Variants in EYA4 observed in about 807,000 individuals in gnomAD.
The protein encoded by EYA4 is protein phosphatase EYA4.
In EYA4, 31 loss-of-function variants were observed where a neutral mutation model predicts 87.9. The ratio of observed to expected loss-of-function variants is 0.35; its 90% CI spans 0.27 to 0.48. The LOEUF (loss-of-function observed/expected upper bound fraction) is 0.48. Among genes scored for constraint, EYA4 ranks in the 20% least tolerant of loss-of-function variants. EYA4 has a pLI of 0.99. For missense variants in EYA4, 678 were observed against 761.4 expected, an observed-to-expected ratio of 0.89 and a Z score of 1.29; for synonymous variants, 263 against 270.6, an observed-to-expected ratio of 0.97 and a Z score of 0.28.
In EYA4 at chr6:133,446,694, A is replaced by T. The variant is rs932450184; in HGVS notation, c.148A>T (p.Ser50Cys). ...TLVGGGDTPG[S>C]SKLEKSNLSS... Reference sequence around the variant, plus strand: ...TGTTGGAGGTGGTGATACTCCAGGTAGCTCCAAACTGGAAAAATCTAATCT... The same window carrying T: ...TGTTGGAGGTGGTGATACTCCAGGTTGCTCCAAACTGGAAAAATCTAATCT... The change falls in exon 4 of 20, where the codon AGC (serine) becomes TGC (cysteine). Residue 50 changes from serine to cysteine, a missense_variant. By Grantham distance (112) the Ser-to-Cys change is moderately radical (BLOSUM62 -1). Transcript: ENST00000355286. 9.3e-6 allele frequency: 15 copies of T among 1,613,834 alleles called. No homozygotes were observed. In the African/African-American group the frequency reaches 2.0e-4, roughly 22 times the overall value.
chr6:133,322,131 G>T (rs966012853), intron 2 of EYA4, among the ~76,000 whole-genome samples: 4 of 152,106 alleles, frequency 2.6e-5, no homozygotes, highest in Non-Finnish European at 5.9e-5. Context: ...GGCTAGACTT[G>T]GGGAATAACT....
At chr6:133,330,050 G>A (rs1781802721) in intron 2 of EYA4, among the ~76,000 whole-genome samples, 1 of 151,924 alleles carries the variant, frequency 6.6e-6, no homozygotes, top group South Asian at 2.1e-4. Flanking sequence ...GAGAGCAGGA[G>A]AGAAAAAAGA....
chr6:133,246,122 C>A (rs369309621), intron 1 of EYA4, among the ~76,000 whole-genome samples: 174 of 152,242 alleles, frequency 1.1e-3, no homozygotes, highest in African/African-American at 3.8e-3. Flanking sequence ...AGAGAGTGCA[C>A]CTCTGAGTCT....
In EYA4 at chr6:133,282,962, A is replaced by G. The variant is rs73557744; in HGVS notation, c.33+8149A>G. Among the ~76,000 whole-genome samples, 475 of 152,272 alleles carry G rather than the reference A, an allele frequency of 3.1e-3. 4 individuals carry two copies. The highest frequency in any genetic ancestry group is 0.011 in the African/African-American group (451 of 41,544). On this transcript the variant is annotated intron_variant, in intron 2 of 19. Coordinates refer to ENST00000355286, the MANE Select transcript of EYA4 (RefSeq NM_004100.5). ...TCTTGTGTCTGAACTTACAATTTAC[A>G]TATTGTTATCTAATAATTCTATCTT...
At chr6:133,286,786 T>C (rs1778095062) in intron 2 of EYA4, among the ~76,000 whole-genome samples, 1 of 152,240 alleles carries the variant, frequency 6.6e-6, no homozygotes, top group African/African-American at 2.4e-5. Context: ...ATTTTTTCAT[T>C]GCTTTGTTTG....
intron 17 of EYA4, among the ~76,000 whole-genome samples, chr6:133,522,792 T>C (rs1306563139): frequency 6.6e-6 from 1 of 152,162 alleles, no homozygotes; most frequent in African/African-American, 2.4e-5. Context: ...TTTGTAACAT[T>C]TGCCTACGTA....
chr6:133,443,043 C>T (rs1200668643), intron 3 of EYA4, among the ~76,000 whole-genome samples: 1 of 151,724 alleles, frequency 6.6e-6, no homozygotes, highest in Non-Finnish European at 1.5e-5. Flanking sequence ...AATATTTTCT[C>T]ATCTATGTTT....
In EYA4 at chr6:133,530,913, A is replaced by G. The variant is rs17053541; in HGVS notation, c.*2108A>G. 182,548 of 1,109,224 alleles carry G rather than the reference A, an allele frequency of 0.16. 19,136 individuals are homozygous for G. The highest frequency in any genetic ancestry group is 0.49 in the African/African-American group (29,928 of 61,432). The allele number at this position is 1,109,224 out of a possible 1,614,324, so 68.7% of individuals were successfully genotyped here. On this transcript the variant is annotated 3_prime_UTR_variant, in exon 20 of 20. Transcript: ENST00000355286. ...GAAAATAGCAGTTAAAAAAATTTAA[A>G]TGTTGCCTTGATTATCAGTACTTAA...
rs956727258 is a variant in EYA4 at position 133,274,682 on chromosome 6, A to AT, written c.-65-29dup. 25 of 990,288 alleles carry AT rather than the reference A, an allele frequency of 2.5e-5. No individual in the cohort carries two copies. The Admixed American group carries it at 4.3e-4, about 17-fold the overall frequency. 61.3% of individuals were successfully genotyped at this position (990,288 alleles called of 1,614,324 possible). ...CCTTACAAATGAATATAAAGATAACATTTTTCCCCTTTGTTTCCATCTTCT... is the reference window on the plus strand; with the variant it reads ...CCTTACAAATGAATATAAAGATAACATTTTTTCCCCTTTGTTTCCATCTTCT... On this transcript the variant is annotated intron_variant, in intron 1 of 19. Transcript: ENST00000355286.
intron 2 of EYA4, among the ~76,000 whole-genome samples, chr6:133,297,701 G>A (rs954178326): frequency 1.3e-5 from 2 of 152,130 alleles, no homozygotes; most frequent in African/African-American, 4.8e-5. Context: ...ATCCCCACCA[G>A]GCATTAAAAG....
intron 3 of EYA4, among the ~76,000 whole-genome samples, chr6:133,411,580 C>T (rs211599): frequency 0.88 from 133,417 of 151,866 alleles, 58,734 homozygotes; most frequent in South Asian, 0.93. Context: ...TATATATATT[C>T]GGTCTTTTTT....
At chr6:133,465,312 A>G (rs1794751499) in intron 10 of EYA4, among the ~76,000 whole-genome samples, 1 of 152,170 alleles carries the variant, frequency 6.6e-6, no homozygotes, top group East Asian at 1.9e-4. Flanking sequence ...ACTAAACAAA[A>G]TGCCTCAAAG....
intron 5 of EYA4, chr6:133,452,774 G>A (rs1270790912): frequency 6.6e-6 from 1 of 152,096 alleles, no homozygotes; most frequent in East Asian, 1.9e-4. Context: ...AGGGGGACCT[G>A]ACAGTACAAG....
intron 13 of EYA4, among the ~76,000 whole-genome samples, chr6:133,497,374 A>G (rs1281381370): frequency 6.6e-6 from 1 of 152,202 alleles, no homozygotes. Flanking sequence ...TATAAATTAA[A>G]TTATGTGAAT....
At chr6:133,415,458 G>A (rs1042804322) in intron 3 of EYA4, among the ~76,000 whole-genome samples, 2 of 152,274 alleles carry the variant, frequency 1.3e-5, no homozygotes, top group South Asian at 2.1e-4. Flanking sequence ...CCTTTGCTCT[G>A]TCTGAGCCTG....
intron 18 of EYA4, 51 bp from the exon 19 acceptor site, chr6:133,525,103 T>C: frequency 6.2e-7 from 1 of 1,613,666 alleles, no homozygotes; most frequent in Non-Finnish European, 8.5e-7. Flanking sequence ...ATGAGGAGCA[T>C]GCCGCTAACC....
chr6:133,447,686 C>T (rs1446903014), intron 4 of EYA4, among the ~76,000 whole-genome samples: 2 of 152,096 alleles, frequency 1.3e-5, no homozygotes, highest in African/African-American at 4.8e-5. Flanking sequence ...GTGTGCATTG[C>T]AACTTACCTG....
chr6:133,505,932 T>C (rs1798572613), intron 13 of EYA4, 174 bp from the exon 14 acceptor site: 1 of 592,128 alleles, frequency 1.7e-6, no homozygotes, highest in Non-Finnish European at 3.0e-6. Flanking sequence ...GCATTTGGTA[T>C]GTCTGAACCT....
chr6:133,516,176 G>C (rs1271829165), intron 17 of EYA4, among the ~76,000 whole-genome samples: 1 of 152,094 alleles, frequency 6.6e-6, no homozygotes, highest in Non-Finnish European at 1.5e-5. Context: ...ATAAGTGGGA[G>C]CTAAATGATG....
Sources: gnomAD v4.1 joint callset for allele counts (sites outside exome capture counted in the v4.1 genomes callset) on GRCh38, gnomAD v4.1.1 for gene constraint, MANE v1.5 for transcripts, NCBI Gene and HGNC (gene_info 2026-07-23, HGNC 2026-07-21) for gene names.